Variants in RPTOR observed in about 807,000 individuals in gnomAD.
The protein encoded by RPTOR is regulatory-associated protein of mTOR.
Under a neutral mutation model 169.9 loss-of-function variants are expected in RPTOR, and 21 were observed. That is an observed-to-expected ratio of 0.12 (90% CI 0.09 to 0.18). The LOEUF is 0.18. RPTOR is among the 10% of genes least tolerant of loss of function. The pLI, the probability that RPTOR is intolerant of heterozygous loss-of-function variation, is 1.00. For missense variants in RPTOR, 1,133 were observed against 1,855.9 expected (o/e 0.61, Z 7.16); for synonymous variants, 732 against 753.2 (o/e 0.97, Z 0.46).
At position 80,646,053 on chromosome 17, in the gene RPTOR, G is replaced by A. The variant is rs556675027; in HGVS notation, c.348+2243G>A. 6.6e-6 allele frequency among the ~76,000 whole-genome samples: 1 copy of A among 152,316 alleles called. No homozygotes were observed. The highest frequency in any genetic ancestry group is 2.1e-4 in the South Asian group (1 of 4,826). ...TCGGAAAAGGTACCAGCGCAGGCGG[G>A]ATCCCATCTGGGCTGGTTTATAAAG... On this transcript the variant is annotated intron_variant, in intron 3 of 33. Coordinates refer to ENST00000306801, the MANE Select transcript of RPTOR (RefSeq NM_020761.3). This position sits in a 1 kb window ranked among gnomAD's most constrained non-coding sequence, Gnocchi z 5.0.
At position 80,959,390 on chromosome 17, in the gene RPTOR, G is replaced by A. The variant is rs1392148926; in HGVS notation, c.3478-688G>A. On this transcript the variant is annotated intron_variant, in intron 29 of 33. Transcript: ENST00000306801. This position sits in a 1 kb window ranked among gnomAD's most constrained non-coding sequence, Gnocchi z 6.7. Reference sequence around the variant, plus strand: ...CTGCAGAGGTGGGTGGAGGCACAGAGCGCAGCAGGTGCTCCCAGAGCCGGC... The same window carrying A: ...CTGCAGAGGTGGGTGGAGGCACAGAACGCAGCAGGTGCTCCCAGAGCCGGC... 6.6e-6 allele frequency among the ~76,000 whole-genome samples: 1 copy of A among 152,220 alleles called. No homozygotes were observed. Among genetic ancestry groups the A allele is most frequent in the Non-Finnish European group, 1.5e-5 (1 of 68,022 alleles).
At chr17:80,797,769 T>A (rs2067114935) in intron 7 of RPTOR, among the ~76,000 whole-genome samples, 1 of 152,230 alleles carries the variant, frequency 6.6e-6, no homozygotes, top group South Asian at 2.1e-4. Flanking sequence ...TTGAAATATG[T>A]TGATCTTGGT....
rs1201540828 is a variant in RPTOR, at chr17:80,633,448, A to C, written c.265+7655A>C. ...CCACAGGCATTCCGTGACCCTCCTC[A>C]CCCTGGCGCTTGAAGGTGGCAGTCT... On this transcript the variant is annotated intron_variant, in intron 2 of 33. Coordinates refer to ENST00000306801, the MANE Select transcript of RPTOR (RefSeq NM_020761.3). The surrounding 1 kb of genome is among the most constrained non-coding windows in gnomAD (Gnocchi z 4.1). Among the ~76,000 whole-genome samples, 1 of 151,886 alleles carries C rather than the reference A, an allele frequency of 6.6e-6. No homozygotes were observed. The highest frequency in any genetic ancestry group is 2.4e-5 in the African/African-American group (1 of 41,326).
In RPTOR at chr17:80,633,297, T is replaced by C. The variant is rs1263408514; in HGVS notation, c.265+7504T>C. Among the ~76,000 whole-genome samples the C allele has an allele frequency of 6.6e-6, 1 of 152,216 alleles. No homozygotes were observed. Among genetic ancestry groups the C allele is most frequent in the Non-Finnish European group, 1.5e-5 (1 of 68,044 alleles). Reference sequence around the variant, plus strand: ...AAATCAAGGAGCATTCGCGTGGACGTGTGACTGCCACGTAAGCGTCCGCTG... The same window carrying C: ...AAATCAAGGAGCATTCGCGTGGACGCGTGACTGCCACGTAAGCGTCCGCTG... On this transcript the variant is annotated intron_variant, in intron 2 of 33. Transcript: ENST00000306801. This position sits in a 1 kb window ranked among gnomAD's most constrained non-coding sequence, Gnocchi z 4.1.
intron 13 of RPTOR, among the ~76,000 whole-genome samples, chr17:80,877,263 T>C (rs1158064031): frequency 2.0e-5 from 3 of 152,196 alleles, no homozygotes; most frequent in Non-Finnish European, 2.9e-5. Context: ...AAGTGGGAGC[T>C]CCCAGGTTCC....
At chr17:80,896,400 GGCCGCAGCAACACCCCACA>G (rs2068401564) in intron 20 of RPTOR, among the ~76,000 whole-genome samples, 1 of 18,590 alleles carries the variant, frequency 5.4e-5, no homozygotes. Flanking sequence ...GACACCCCAC[GGCCGCAGCAACACCCCACA>G]CGGCCTCGCC....
At chr17:80,923,374 C>A in intron 22 of RPTOR, 116 bp from the exon 23 acceptor site, 1 of 1,154,102 alleles carries the variant, frequency 8.7e-7, no homozygotes, top group Non-Finnish European at 1.3e-6. Flanking sequence ...CTGAGGACAC[C>A]CCGGGCCCTG....
intron 24 of RPTOR, among the ~76,000 whole-genome samples, chr17:80,931,441 C>A (rs1290024115): frequency 3.9e-5 from 6 of 152,190 alleles, no homozygotes; most frequent in African/African-American, 1.4e-4. Context: ...AATCTCAAAC[C>A]TTTGGGAGCC....
intron 1 of RPTOR, among the ~76,000 whole-genome samples, chr17:80,614,259 C>G (rs573976908): frequency 6.6e-6 from 1 of 152,284 alleles, no homozygotes; most frequent in Non-Finnish European, 1.5e-5. Context: ...GTGGCCTCCC[C>G]GAGAAGGGGG....
intron 7 of RPTOR, among the ~76,000 whole-genome samples, chr17:80,795,396 C>T (rs569018747): frequency 7.9e-5 from 12 of 152,280 alleles, no homozygotes; most frequent in East Asian, 1.9e-4. Flanking sequence ...TGCAGCCACT[C>T]GTGTTCTTCC....
intron 4 of RPTOR, among the ~76,000 whole-genome samples, chr17:80,723,137 T>C (rs2066301497): frequency 6.6e-6 from 1 of 151,350 alleles, no homozygotes. Flanking sequence ...GTGATTCTTA[T>C]TACTGCAGAT....
chr17:80,914,654 G>T (rs962460264), intron 21 of RPTOR, among the ~76,000 whole-genome samples: 1 of 152,116 alleles, frequency 6.6e-6, no homozygotes, highest in African/African-American at 2.4e-5. Context: ...CACACGCTCG[G>T]GGCAGTGCTC....
At chr17:80,842,277 TA>T (rs1807304996) in intron 10 of RPTOR, among the ~76,000 whole-genome samples, 1 of 152,258 alleles carries the variant, frequency 6.6e-6, no homozygotes, top group Non-Finnish European at 1.5e-5. Context: ...TGGATTTTTG[TA>T]TTAATTTTTA....
intron 1 of RPTOR, among the ~76,000 whole-genome samples, chr17:80,578,631 G>A (rs2143346789): frequency 6.6e-6 from 1 of 152,280 alleles, no homozygotes; most frequent in South Asian, 2.1e-4. Flanking sequence ...ACAGGCTTTC[G>A]AGGGGCTGAA....
At chr17:80,699,947 C>T (rs921623479) in intron 3 of RPTOR, among the ~76,000 whole-genome samples, 18 of 152,106 alleles carry the variant, frequency 1.2e-4, no homozygotes, top group Admixed American at 2.6e-4. Flanking sequence ...GCTTCCTATC[C>T]AGTGTCTGGA....
chr17:80,943,481 T>C (rs548012613), intron 25 of RPTOR, among the ~76,000 whole-genome samples: 67 of 152,296 alleles, frequency 4.4e-4, no homozygotes, highest in African/African-American at 1.5e-3. Context: ...GCTGGTGCAC[T>C]TCCCGCCTCG....
intron 3 of RPTOR, among the ~76,000 whole-genome samples, chr17:80,692,424 C>T (rs530198284): frequency 3.3e-5 from 5 of 152,236 alleles, no homozygotes; most frequent in East Asian, 3.9e-4. Flanking sequence ...CAGGTTCAAG[C>T]GATTCTCCTG....
At chr17:80,656,703 C>A (rs901980214) in intron 3 of RPTOR, among the ~76,000 whole-genome samples, 1 of 152,216 alleles carries the variant, frequency 6.6e-6, no homozygotes, top group Non-Finnish European at 1.5e-5. Flanking sequence ...TCTGTAGGTT[C>A]TTTCACTTCT....
intron 4 of RPTOR, among the ~76,000 whole-genome samples, chr17:80,727,539 A>C (rs142725362): frequency 1.4e-3 from 209 of 151,648 alleles, no homozygotes; most frequent in African/African-American, 4.7e-3. Context: ...TGATCATGTC[A>C]CACTCCAAGA....
Sources: gnomAD v4.1 joint callset for allele counts (sites outside exome capture counted in the v4.1 genomes callset) on GRCh38, gnomAD v4.1.1 for gene constraint, Gnocchi (gnomAD v3.1) non-coding constraint, MANE v1.5 for transcripts, NCBI Gene and HGNC (gene_info 2026-07-23, HGNC 2026-07-21) for gene names.